TMEM178B: variants seen among roughly 807,000 people sequenced by gnomAD.
TMEM178B encodes transmembrane protein 178B.
A neutral mutation model predicts 31.0 loss-of-function variants in TMEM178B; 5 were observed. That is an observed-to-expected ratio of 0.16 (90% CI 0.08 to 0.34). The LOEUF (loss-of-function observed/expected upper bound fraction) is 0.34, where lower values mean the gene tolerates loss of function less well. Among genes scored for constraint, TMEM178B ranks in the 10% least tolerant of loss-of-function variants. TMEM178B has a pLI of 1.00. For synonymous variants in TMEM178B, 164 were observed against 164.0 expected (o/e 1.00, Z 0.00); for missense variants, 275 against 400.3 (o/e 0.69, Z 2.67).
chr7:141,487,023 A>G, the TMEM178B span, among the ~76,000 whole-genome samples: 4 of 152,110 alleles, frequency 2.6e-5, no homozygotes, highest in South Asian at 2.1e-4. Flanking sequence ...GTCAGACTTT[A>G]GGAACACAAG....
intron 3 of TMEM178B, among the ~76,000 whole-genome samples, chr7:141,468,650 C>T (rs1802186829): frequency 6.6e-6 from 1 of 152,224 alleles, no homozygotes; most frequent in South Asian, 2.1e-4. Context: ...TTTAGTGAGG[C>T]AGTGTCACTG....
At chr7:141,088,279 C>T (rs1025786481) in intron 1 of TMEM178B, among the ~76,000 whole-genome samples, 7 of 152,008 alleles carry the variant, frequency 4.6e-5, no homozygotes, top group Non-Finnish European at 7.4e-5. Context: ...TTTCCTTCCT[C>T]GTGTGCACCT....
At chr7:141,501,393 C>T in the TMEM178B span, among the ~76,000 whole-genome samples, 4 of 151,882 alleles carry the variant, frequency 2.6e-5, no homozygotes, top group Admixed American at 6.5e-5. Flanking sequence ...TCCACATTCT[C>T]TCCACATTTT....
intron 1 of TMEM178B, among the ~76,000 whole-genome samples, chr7:141,110,036 A>C (rs1795209561): frequency 6.6e-6 from 1 of 152,232 alleles, no homozygotes; most frequent in Non-Finnish European, 1.5e-5. Flanking sequence ...AGATAAATAA[A>C]ACCCTATGCC....
At chr7:141,173,037 A>C (rs974089598) in intron 1 of TMEM178B, 1 of 152,228 alleles carries the variant, frequency 6.6e-6, no homozygotes, top group African/African-American at 2.4e-5. Context: ...GGATCCAGGA[A>C]TCCATCACTA....
intron 2 of TMEM178B, among the ~76,000 whole-genome samples, chr7:141,320,370 T>C (rs1799077112): frequency 1.3e-5 from 2 of 152,090 alleles, no homozygotes. Context: ...ATTATATGAG[T>C]CAGAGAACTC....
chr7:141,181,989 G>A (rs1796537460), intron 1 of TMEM178B, among the ~76,000 whole-genome samples: 1 of 152,122 alleles, frequency 6.6e-6, no homozygotes, highest in South Asian at 2.1e-4. Context: ...TTAGACTGGG[G>A]GTCATTATCA....
chr7:141,179,473 A>G (rs1350533055), intron 1 of TMEM178B, among the ~76,000 whole-genome samples: 1 of 151,768 alleles, frequency 6.6e-6, no homozygotes, highest in Non-Finnish European at 1.5e-5. Flanking sequence ...CATGGATGCA[A>G]TGTGCTGCTA....
At chr7:141,410,105 C>T (rs1800955035) in intron 2 of TMEM178B, among the ~76,000 whole-genome samples, 1 of 152,206 alleles carries the variant, frequency 6.6e-6, no homozygotes. Flanking sequence ...TCCCCATCAC[C>T]TGTTTCCTGG....
chr7:141,299,193 T>C (rs1424187730), intron 2 of TMEM178B, among the ~76,000 whole-genome samples: 2 of 152,142 alleles, frequency 1.3e-5, no homozygotes, highest in Non-Finnish European at 2.9e-5. Context: ...TTTCTCTTTT[T>C]TGAGATGGAG....
At chr7:141,139,909 G>A (rs1223264986) in intron 1 of TMEM178B, among the ~76,000 whole-genome samples, 1 of 151,906 alleles carries the variant, frequency 6.6e-6, no homozygotes, top group Non-Finnish European at 1.5e-5. Context: ...GGGATTACAG[G>A]TGGCCACCAC....
intron 1 of TMEM178B, among the ~76,000 whole-genome samples, chr7:141,111,445 T>C (rs887618): frequency 6.6e-6 from 1 of 152,056 alleles, no homozygotes; most frequent in Non-Finnish European, 1.5e-5. Flanking sequence ...ATACAGGCAC[T>C]GTGGAGACTG....
intron 2 of TMEM178B, among the ~76,000 whole-genome samples, chr7:141,235,877 C>T (rs1204452693): frequency 3.3e-5 from 5 of 152,182 alleles, no homozygotes; most frequent in East Asian, 1.9e-4. Context: ...CCCCTAGACA[C>T]GCAGTGCTTT....
chr7:141,445,052 T>C (rs1053272389), intron 3 of TMEM178B, among the ~76,000 whole-genome samples: 2 of 152,196 alleles, frequency 1.3e-5, no homozygotes, highest in African/African-American at 4.8e-5. Context: ...TTTCTTTTCC[T>C]ACCACCTGTG....
intron 1 of TMEM178B, among the ~76,000 whole-genome samples, chr7:141,075,583 T>G (rs188512893): frequency 2.6e-5 from 4 of 152,336 alleles, no homozygotes; most frequent in African/African-American, 9.6e-5. Flanking sequence ...CATCCTGTTG[T>G]CAACCCACTG....
intron 1 of TMEM178B, among the ~76,000 whole-genome samples, chr7:141,131,463 A>G (rs575170085): frequency 6.6e-6 from 1 of 152,318 alleles, no homozygotes; most frequent in Admixed American, 6.5e-5. Context: ...TTATTCTCTC[A>G]TCAATTCTCC....
At chr7:141,127,942 C>T (rs936486319) in intron 1 of TMEM178B, among the ~76,000 whole-genome samples, 4 of 152,106 alleles carry the variant, frequency 2.6e-5, no homozygotes, top group African/African-American at 9.7e-5. Flanking sequence ...GTGGGATCTG[C>T]ACTTCTCTGA....
intron 3 of TMEM178B, among the ~76,000 whole-genome samples, chr7:141,448,856 C>G (rs1300025223): frequency 6.6e-6 from 1 of 152,164 alleles, no homozygotes; most frequent in Non-Finnish European, 1.5e-5. Context: ...GTGGAAATCA[C>G]TAAACTGTGC....
intron 2 of TMEM178B, among the ~76,000 whole-genome samples, chr7:141,363,952 A>G (rs1799959908): frequency 6.6e-6 from 1 of 151,512 alleles, no homozygotes; most frequent in South Asian, 2.1e-4. Context: ...AAAATAAAAA[A>G]TAAAAATATT....
Sources: allele counts gnomAD v4.1 joint callset (sites outside exome capture counted in the v4.1 genomes callset), GRCh38; gene constraint gnomAD v4.1.1; transcripts MANE v1.5; gene names NCBI Gene and HGNC (gene_info 2026-07-23, HGNC 2026-07-21).